Variants in FAF1 observed in about 807,000 individuals in gnomAD.
FAF1 encodes FAS-associated factor 1.
A neutral mutation model predicts 92.5 loss-of-function variants in FAF1; 25 were observed. The observed-to-expected ratio is 0.27, with a 90% confidence interval of 0.20 to 0.38. FAF1 has a LOEUF of 0.38. FAF1 is among the 10% of genes least tolerant of loss of function. The pLI is 1.00. For missense variants in FAF1, 636 were observed against 793.3 expected, an observed-to-expected ratio of 0.80 and a Z score of 2.38; for synonymous variants, 234 against 273.2, an observed-to-expected ratio of 0.86 and a Z score of 1.42.
At chr1:50,449,670 A>G (rs1416238752) in intron 18 of FAF1, among the ~76,000 whole-genome samples, 1 of 150,776 alleles carries the variant, frequency 6.6e-6, no homozygotes, top group Non-Finnish European at 1.5e-5. Context: ...TTGTATTTTT[A>G]GTAGAGACAA....
rs568335962 is a variant in FAF1 at position 50,619,814 on chromosome 1, A to G, written c.745-23598T>C. On this transcript the variant is annotated intron_variant, in intron 8 of 18. Transcript: ENST00000396153. ...TTGTAGTGAGATTAGGGAAATTTTC[A>G]TGGACTATATCCTCAAATATATTTT... is the stretch of plus-strand genomic sequence containing the variant. 1.6e-4 allele frequency among the ~76,000 whole-genome samples: 24 copies of G among 151,960 alleles called. No homozygotes were observed. The South Asian group carries it at 4.0e-3, about 25-fold the overall frequency.
chr1:50,692,958 T>C (rs1557478606), intron 7 of FAF1, among the ~76,000 whole-genome samples: 1 of 152,242 alleles, frequency 6.6e-6, no homozygotes, highest in Non-Finnish European at 1.5e-5. Context: ...TCATATATCC[T>C]AGATACAAGT....
At chr1:50,896,080 C>T (rs1260873754) in intron 1 of FAF1, among the ~76,000 whole-genome samples, 1 of 152,064 alleles carries the variant, frequency 6.6e-6, no homozygotes, top group Non-Finnish European at 1.5e-5. Context: ...AAAGGGTATC[C>T]AAATTGGAAA....
At chr1:50,946,125 T>C (rs1222658402) in intron 1 of FAF1, among the ~76,000 whole-genome samples, 1 of 152,216 alleles carries the variant, frequency 6.6e-6, no homozygotes, top group Non-Finnish European at 1.5e-5. Flanking sequence ...CAAAGCAAAA[T>C]TCTAACAACT....
chr1:50,559,080 A>G (rs963542217), intron 13 of FAF1, among the ~76,000 whole-genome samples: 1 of 152,116 alleles, frequency 6.6e-6, no homozygotes, highest in Non-Finnish European at 1.5e-5. Flanking sequence ...GTGAAACCCC[A>G]TCTCTACTAA....
At chr1:50,934,978 T>A (rs1184529422) in intron 1 of FAF1, among the ~76,000 whole-genome samples, 1 of 152,228 alleles carries the variant, frequency 6.6e-6, no homozygotes, top group East Asian at 1.9e-4. Flanking sequence ...TTTAGCAATT[T>A]GATTATGATG....
At chr1:50,732,466 T>C (rs1246517880) in intron 6 of FAF1, among the ~76,000 whole-genome samples, 3 of 152,230 alleles carry the variant, frequency 2.0e-5, no homozygotes, top group Non-Finnish European at 2.9e-5. Flanking sequence ...GACTTGTGCA[T>C]ACAAGCCTGC....
intron 6 of FAF1, among the ~76,000 whole-genome samples, chr1:50,729,729 A>G (rs1349187311): frequency 1.3e-5 from 2 of 149,354 alleles, no homozygotes; most frequent in Non-Finnish European, 3.0e-5. Flanking sequence ...CTGTTTATGT[A>G]AGATTGGGAT....
chr1:50,744,119 C>T (rs897473430), intron 5 of FAF1, among the ~76,000 whole-genome samples: 8 of 152,046 alleles, frequency 5.3e-5, no homozygotes, highest in Non-Finnish European at 1.2e-4. Flanking sequence ...CTACTGGGTT[C>T]CTAAGAATAG....
rs928642524 is a variant in FAF1, at chr1:50,860,027, C to G, written c.46-2030G>C. Among the ~76,000 whole-genome samples, 54 of 151,694 alleles carry G rather than the reference C, an allele frequency of 3.6e-4. 1 individual carries two copies. The highest frequency in any genetic ancestry group is 1.3e-3 in the African/African-American group (54 of 41,372). On this transcript the variant is annotated intron_variant, in intron 1 of 18. Coordinates refer to ENST00000396153, the MANE Select transcript of FAF1 (RefSeq NM_007051.3). ...AAGGACTGCCTATTGAATAAACAAA[C>G]AGTGCTGGGATAGCTGGCTACCCAT...
At chr1:50,929,071 C>CAAA (rs59078269) in intron 1 of FAF1, among the ~76,000 whole-genome samples, 2 of 36,838 alleles carry the variant, frequency 5.4e-5, no homozygotes, top group East Asian at 7.0e-4. Flanking sequence ...GACACTGTCT[C>CAAA]AAAAAAAAAA....
At chr1:50,795,006 T>C (rs78348653) in intron 3 of FAF1, among the ~76,000 whole-genome samples, 1 of 152,116 alleles carries the variant, frequency 6.6e-6, no homozygotes, top group Non-Finnish European at 1.5e-5. Flanking sequence ...CTTAATAACA[T>C]AGATAAGAAG....
At chr1:50,931,842 C>G (rs1484435328) in intron 1 of FAF1, among the ~76,000 whole-genome samples, 1 of 150,332 alleles carries the variant, frequency 6.7e-6, no homozygotes, top group Non-Finnish European at 1.5e-5. Context: ...CCACTGCACT[C>G]CAGCCTGGGT....
chr1:50,448,937 CTTT>C (rs61654181), intron 18 of FAF1, among the ~76,000 whole-genome samples: 6 of 124,566 alleles, frequency 4.8e-5, no homozygotes, highest in African/African-American at 9.0e-5. Context: ...AGGGTCACAG[CTTT>C]TTTTTTTTTT....
intron 14 of FAF1, among the ~76,000 whole-genome samples, chr1:50,537,727 T>C (rs945625346): frequency 2.6e-5 from 4 of 152,166 alleles, no homozygotes; most frequent in East Asian, 3.8e-4. Flanking sequence ...GTGTGCTTAA[T>C]AGAAAACAAC....
At chr1:50,944,543 T>C (rs1022754555) in intron 1 of FAF1, among the ~76,000 whole-genome samples, 40 of 152,054 alleles carry the variant, frequency 2.6e-4, no homozygotes, top group Admixed American at 1.3e-4. Context: ...CACCCAGACC[T>C]TTCATCTGGA....
intron 8 of FAF1, among the ~76,000 whole-genome samples, chr1:50,614,923 T>A (rs1273991376): frequency 6.6e-6 from 1 of 152,198 alleles, no homozygotes; most frequent in Non-Finnish European, 1.5e-5. Flanking sequence ...TTTTATTTTT[T>A]AAATTTCAAC....
chr1:50,889,675 T>C (rs371489890), intron 1 of FAF1, among the ~76,000 whole-genome samples: 1 of 152,218 alleles, frequency 6.6e-6, no homozygotes, highest in African/African-American at 2.4e-5. Flanking sequence ...TTGAGCAGTT[T>C]TGAGTGAGTT....
intron 13 of FAF1, among the ~76,000 whole-genome samples, chr1:50,566,034 T>G (rs1437463285): frequency 2.6e-5 from 4 of 152,106 alleles, no homozygotes; most frequent in African/African-American, 9.6e-5. Context: ...AGATTCTTTA[T>G]TTATGTATAA....
Sources: allele counts gnomAD v4.1 joint callset (sites outside exome capture counted in the v4.1 genomes callset), GRCh38; gene constraint gnomAD v4.1.1; transcripts MANE v1.5; gene names NCBI Gene and HGNC (gene_info 2026-07-23, HGNC 2026-07-21).